Variants in AKAP6 observed in about 807,000 individuals in gnomAD.
AKAP6 encodes A-kinase anchoring protein 6, also known as A-kinase anchor protein 6.
Under a neutral mutation model 188.5 loss-of-function variants are expected in AKAP6, and 58 were observed. The ratio of observed to expected loss-of-function variants is 0.31; its 90% CI spans 0.25 to 0.38. The LOEUF (loss-of-function observed/expected upper bound fraction) is 0.38, where lower values mean the gene tolerates loss of function less well. AKAP6 is among the 10% of genes least tolerant of loss of function. The probability of loss-of-function intolerance (pLI) is 1.00; values close to 1 mark genes in which losing one functional copy is unlikely to be tolerated. For missense variants in AKAP6, 2,710 were observed against 2,740.0 expected (o/e 0.99, Z 0.24); for synonymous variants, 989 against 998.6 (o/e 0.99, Z 0.18).
chr14:32,706,031 T>A (rs1461823074), intron 9 of AKAP6, among the ~76,000 whole-genome samples: 1 of 152,132 alleles, frequency 6.6e-6, no homozygotes, highest in East Asian at 1.9e-4. Flanking sequence ...CCCTACCATG[T>A]GCCTGAAATG....
At position 32,776,468 on chromosome 14, in the gene AKAP6, T is replaced by C. The variant is rs150889349; in HGVS notation, c.3588+2575T>C. ...TCCCCAGCCACATGGAACTGTGAGT[T>C]CATTAAACCTCTTTTTCTTTATAAA... On this transcript the variant is annotated intron_variant, in intron 12 of 13. Transcript: ENST00000280979. Among the ~76,000 whole-genome samples, 418 of 152,284 alleles carry C rather than the reference T, an allele frequency of 2.7e-3. 2 individuals carry two copies. The highest frequency in any genetic ancestry group is 8.2e-3 in the African/African-American group (341 of 41,558).
intron 9 of AKAP6, among the ~76,000 whole-genome samples, chr14:32,703,536 T>A (rs1890697111): frequency 6.6e-6 from 1 of 152,214 alleles, no homozygotes; most frequent in South Asian, 2.1e-4. Flanking sequence ...TGCCAAGTGT[T>A]CTGCAAATTA....
At chr14:32,757,598 T>A (rs2032385804) in intron 11 of AKAP6, among the ~76,000 whole-genome samples, 1 of 152,172 alleles carries the variant, frequency 6.6e-6, no homozygotes, top group Admixed American at 6.5e-5. Context: ...TTGGGGAGTA[T>A]AAGTAGAGAT....
At chr14:32,577,297 G>C in intron 5 of AKAP6, 55 bp downstream of exon 5, 2 of 1,569,890 alleles carry the variant, frequency 1.3e-6, no homozygotes, top group South Asian at 1.2e-5. Flanking sequence ...TTAATGTACT[G>C]CTTGTTTGTT....
intron 2 of AKAP6, among the ~76,000 whole-genome samples, chr14:32,504,425 T>A (rs1233496969): frequency 2.0e-5 from 3 of 151,924 alleles, no homozygotes; most frequent in Non-Finnish European, 4.4e-5. Flanking sequence ...GCACTACAGG[T>A]GTGTGCCACC....
chr14:32,547,027 T>A (rs1295410057), intron 4 of AKAP6, 28 bp downstream of exon 4: 41 of 1,558,106 alleles, frequency 2.6e-5, no homozygotes, highest in Admixed American at 7.3e-5. Flanking sequence ...ACATGAATGA[T>A]TTCTCACTTG....
At chr14:32,391,355 C>A (rs984030563) in intron 1 of AKAP6, among the ~76,000 whole-genome samples, 1 of 152,176 alleles carries the variant, frequency 6.6e-6, no homozygotes, top group Non-Finnish European at 1.5e-5. Context: ...CCCTCCCAGG[C>A]TTTTATTACC....
At chr14:32,467,548 G>A (rs544260725) in intron 2 of AKAP6, among the ~76,000 whole-genome samples, 1 of 152,258 alleles carries the variant, frequency 6.6e-6, no homozygotes, top group Admixed American at 6.5e-5. Flanking sequence ...CAGAATCTTA[G>A]AGAGGTGATG....
chr14:32,386,296 A>G (rs1888536156), intron 1 of AKAP6, among the ~76,000 whole-genome samples: 1 of 152,080 alleles, frequency 6.6e-6, no homozygotes, highest in South Asian at 2.1e-4. Context: ...AATTATGGCC[A>G]TTCTAGCAGG....
At chr14:32,353,421 T>C (rs10132146) in intron 1 of AKAP6, among the ~76,000 whole-genome samples, 57,409 of 151,692 alleles carry the variant, frequency 0.38, 12,104 homozygotes, top group African/African-American at 0.58. Context: ...ATTAGCTGGG[T>C]GTGGTGGCGG....
At chr14:32,727,181 T>C (rs936903434) in intron 9 of AKAP6, among the ~76,000 whole-genome samples, 2 of 152,178 alleles carry the variant, frequency 1.3e-5, no homozygotes, top group Non-Finnish European at 2.9e-5. Flanking sequence ...TAGGAGACTT[T>C]TTTCTCACCC....
chr14:32,499,812 C>T lies in AKAP6; in HGVS notation c.325-35742C>T, dbSNP rs1452500553. On this transcript the variant is annotated intron_variant, in intron 2 of 13. Transcript: ENST00000280979. ...CTTAAAAAGAGAGCGAGATTAGACA[C>T]AGTATTAGTTTGTTACATGGTTTTT... Among the ~76,000 whole-genome samples the T allele has an allele frequency of 2.0e-5, 3 of 151,758 alleles. No homozygotes were observed. In the East Asian group the frequency reaches 5.8e-4, roughly 29 times the overall value.
At chr14:32,783,660 A>T (rs72669843) in intron 12 of AKAP6, among the ~76,000 whole-genome samples, 10,024 of 152,258 alleles carry the variant, frequency 0.066, 423 homozygotes, top group Non-Finnish European at 0.091. Flanking sequence ...CACTTGATAT[A>T]TATCAGGCAA....
intron 2 of AKAP6, among the ~76,000 whole-genome samples, chr14:32,469,747 C>T (rs1184153313): frequency 2.1e-5 from 3 of 143,792 alleles, no homozygotes; most frequent in Non-Finnish European, 4.5e-5. Context: ...TGTCTTGGCT[C>T]GTCAGCCAGA....
rs1162974012 is a variant in AKAP6 at position 32,786,298 on chromosome 14, CT to C, written c.3588+12432del. 6.8e-3 allele frequency among the ~76,000 whole-genome samples: 564 copies of C among 82,464 alleles called. 1 individual carries two copies. Among genetic ancestry groups the C allele is most frequent in the African/African-American group, 0.019 (397 of 20,726 alleles). The allele number at this position is 82,464 out of a possible 152,430, so 54.1% of individuals were successfully genotyped here. On this transcript the variant is annotated intron_variant, in intron 12 of 13. Coordinates refer to ENST00000280979, the MANE Select transcript of AKAP6 (RefSeq NM_004274.5). ...CCCTCTGAAAGACCTAAACCTTTATCTTTTTTTTTTTTTTTTTTTTTTTTTT... is the reference window on the plus strand; with the variant it reads ...CCCTCTGAAAGACCTAAACCTTTATCTTTTTTTTTTTTTTTTTTTTTTTTT...
chr14:32,742,351 C>T (rs933150237), intron 11 of AKAP6, among the ~76,000 whole-genome samples: 6 of 151,210 alleles, frequency 4.0e-5, no homozygotes, highest in African/African-American at 7.3e-5. Flanking sequence ...TTTTTTTCTT[C>T]ATTTCAATTT....
intron 1 of AKAP6, among the ~76,000 whole-genome samples, chr14:32,359,879 C>T (rs1887602995): frequency 6.6e-6 from 1 of 152,164 alleles, no homozygotes; most frequent in Non-Finnish European, 1.5e-5. Flanking sequence ...CAACATATTA[C>T]TGGTGATTTT....
chr14:32,515,051 A>G (rs1881449187), intron 2 of AKAP6, among the ~76,000 whole-genome samples: 1 of 152,218 alleles, frequency 6.6e-6, no homozygotes, highest in Non-Finnish European at 1.5e-5. Flanking sequence ...CTAAAAAAAG[A>G]CATACCTGAG....
intron 11 of AKAP6, among the ~76,000 whole-genome samples, chr14:32,772,263 G>T (rs1335011167): frequency 6.6e-6 from 1 of 152,150 alleles, no homozygotes; most frequent in African/African-American, 2.4e-5. Context: ...CAGCAGTAAA[G>T]AAATTTGTCA....
Sources: gnomAD v4.1 joint callset for allele counts (sites outside exome capture counted in the v4.1 genomes callset) on GRCh38, gnomAD v4.1.1 for gene constraint, MANE v1.5 for transcripts, NCBI Gene and HGNC (gene_info 2026-07-23, HGNC 2026-07-21) for gene names.